The following RPF1 variants were observed in gnomAD, a reference collection of about 807,000 sequenced individuals.
The protein encoded by RPF1 is ribosome production factor 1 homolog.
A neutral mutation model predicts 41.9 loss-of-function variants in RPF1; 34 were observed. The observed-to-expected ratio is 0.81, with a 90% CI of 0.62 to 1.08. The LOEUF (loss-of-function observed/expected upper bound fraction) is 1.08. Ranked by LOEUF, RPF1 falls within the 50% of genes least tolerant of loss-of-function variation. The pLI, the probability that RPF1 is intolerant of heterozygous loss-of-function variation, is 0.00. For synonymous variants in RPF1, 140 were observed against 148.9 expected (o/e 0.94, Z 0.43); for missense variants, 425 against 435.2 (o/e 0.98, Z 0.21).
At chr1:84,493,005 C>T (rs2101886810) in intron 5 of RPF1, among the ~76,000 whole-genome samples, 1 of 152,238 alleles carries the variant, frequency 6.6e-6, no homozygotes, top group South Asian at 2.1e-4. Context: ...CATGATGACT[C>T]CTGTTTTATG....
In RPF1 at chr1:84,480,997, G is replaced by A. The variant is rs1681637060; in HGVS notation, c.270G>A (p.Glu90=). ...AGAAAAAACTTAAAAAAGAAAGAGA[G>A]GCTCTTGGCGATAAGGTAAATAAAA... ...AAKKKLKKER[E]ALGDKAPPKP... is the part of the protein sequence containing the mutation. Residue 90 remains glutamate (E), a synonymous_variant, in exon 2 of 9, where the codon GAG becomes GAA. Coordinates refer to ENST00000370654, the MANE Select transcript of RPF1 (RefSeq NM_025065.7). 4 of 1,591,704 alleles carry A rather than the reference G, an allele frequency of 2.5e-6. No homozygotes were observed. The highest frequency in any genetic ancestry group is 4.5e-5 in the East Asian group (2 of 44,546).
chr1:84,486,044 T>G (rs1262478934), intron 3 of RPF1, among the ~76,000 whole-genome samples: 1 of 152,170 alleles, frequency 6.6e-6, no homozygotes, highest in African/African-American at 2.4e-5. Context: ...TTAGCCATCT[T>G]TGGGCAAAAA....
intron 3 of RPF1, chr1:84,483,296 T>A (rs747457702): frequency 9.9e-6 from 3 of 301,774 alleles, no homozygotes; most frequent in Non-Finnish European, 1.9e-5. Context: ...AGACAGAGTC[T>A]TGCTCTGTCG....
chr1:84,496,793 T>C (rs1681945632), intron 8 of RPF1, among the ~76,000 whole-genome samples: 8 of 152,200 alleles, frequency 5.3e-5, no homozygotes, highest in Admixed American at 5.2e-4. Context: ...TACTACATGT[T>C]TCTTGAGAAC....
rs1342592926 is a variant in RPF1, at chr1:84,496,251, T to C, written c.889T>C (p.Phe297Leu). Residue 297 changes from phenylalanine to leucine, a missense_variant, in exon 8 of 9, where the codon TTC becomes CTC. Coordinates refer to ENST00000370654, the MANE Select transcript of RPF1 (RefSeq NM_025065.7). ...CTCTTTTTGTCTTTGAAGATACATA[T>C]TCAGGAGTGAAAAGAAAGTGGGAAT... ...YIFFRFHRYI[F>L]RSEKKVGIQE... is the part of the protein sequence containing the mutation. 2 of 1,613,174 alleles carry C rather than the reference T, an allele frequency of 1.2e-6. No homozygotes were observed. Among genetic ancestry groups the C allele is most frequent in the South Asian group, 1.1e-5 (1 of 90,966 alleles).
At chr1:84,485,115 T>A (rs779220926) in intron 3 of RPF1, among the ~76,000 whole-genome samples, 1 of 151,996 alleles carries the variant, frequency 6.6e-6, no homozygotes, top group Non-Finnish European at 1.5e-5. Context: ...GTAACTTTTT[T>A]ATTTTTGGAG....
intron 5 of RPF1, among the ~76,000 whole-genome samples, chr1:84,492,713 G>A (rs1558544772): frequency 6.6e-6 from 1 of 152,124 alleles, no homozygotes; most frequent in Non-Finnish European, 1.5e-5. Flanking sequence ...TCTAAATGGG[G>A]AACTACTGTT....
intron 3 of RPF1, among the ~76,000 whole-genome samples, chr1:84,485,141 G>A (rs964992252): frequency 3.9e-5 from 6 of 152,250 alleles, no homozygotes; most frequent in African/African-American, 1.4e-4. Flanking sequence ...GTCTCGCTCT[G>A]TTGCCCAGGC....
intron 3 of RPF1, among the ~76,000 whole-genome samples, chr1:84,484,861 A>G (rs565715304): frequency 1.3e-5 from 2 of 152,048 alleles, no homozygotes; most frequent in East Asian, 3.9e-4. Flanking sequence ...TTTAGTAGAG[A>G]CAGGGTTTCA....
Position 84,479,470 on chromosome 1 carries a change from A to T in RPF1, c.189A>T (p.Arg63=), listed in dbSNP as rs746522688. The T allele has an allele frequency of 1.2e-6, 2 of 1,614,232 alleles. No individual in the cohort carries two copies. The highest frequency in any genetic ancestry group is 1.7e-6 in the Non-Finnish European group (2 of 1,180,032). Residue 63 remains arginine, a synonymous_variant, in exon 1 of 9, where the codon CGA becomes CGT. Coordinates refer to ENST00000370654, the MANE Select transcript of RPF1 (RefSeq NM_025065.7). Reference sequence around the variant, plus strand: ...CGGAGATTAAAAACAAACAGCGGCGACACTTAATGTTCACGCGGTGGAAAC... The same window carrying T: ...CGGAGATTAAAAACAAACAGCGGCGTCACTTAATGTTCACGCGGTGGAAAC... ...SISEIKNKQR[R]HLMFTRWKQQ...
intron 2 of RPF1, 56 bp downstream of exon 2, chr1:84,481,068 A>G: frequency 2.2e-6 from 2 of 902,140 alleles, no homozygotes; most frequent in South Asian, 3.1e-5. Flanking sequence ...ATCCCTCCTG[A>G]TATTTAAGTT....
intron 3 of RPF1, among the ~76,000 whole-genome samples, chr1:84,483,794 G>C (rs528889558): frequency 6.6e-6 from 1 of 152,148 alleles, no homozygotes; most frequent in African/African-American, 2.4e-5. Flanking sequence ...ATTTGGTTTC[G>C]AATGTCTGTT....
chr1:84,482,016 C>T (rs1030306300), intron 2 of RPF1, among the ~76,000 whole-genome samples: 60 of 152,230 alleles, frequency 3.9e-4, no homozygotes, highest in African/African-American at 1.4e-3. Flanking sequence ...CTTTTGTAAT[C>T]AGTCTATTAC....
intron 8 of RPF1, among the ~76,000 whole-genome samples, chr1:84,496,900 T>G (rs1216977361): frequency 2.0e-5 from 3 of 152,116 alleles, no homozygotes; most frequent in Admixed American, 1.3e-4. Context: ...GAGATGAGTC[T>G]CAGCTTTGTT....
chr1:84,485,627 A>T (rs1246909981), intron 3 of RPF1, among the ~76,000 whole-genome samples: 1 of 152,194 alleles, frequency 6.6e-6, no homozygotes, highest in Non-Finnish European at 1.5e-5. Flanking sequence ...AGTACTTCTT[A>T]CCAAGAGTCA....
intron 5 of RPF1, among the ~76,000 whole-genome samples, chr1:84,490,927 A>G (rs958760262): frequency 2.0e-5 from 3 of 152,168 alleles, no homozygotes; most frequent in African/African-American, 7.2e-5. Flanking sequence ...TAAGGCAGAG[A>G]AAAGCGCTCA....
chr1:84,486,587 C>CAA (rs896267195), intron 3 of RPF1, among the ~76,000 whole-genome samples: 17,725 of 63,856 alleles, frequency 0.28, 2,196 homozygotes, highest in South Asian at 0.36. Context: ...GACTCCGTCT[C>CAA]AAAAAAAAAA....
At chr1:84,492,820 G>C (rs563432626) in intron 5 of RPF1, among the ~76,000 whole-genome samples, 21 of 152,320 alleles carry the variant, frequency 1.4e-4, no homozygotes, top group African/African-American at 5.1e-4. Context: ...TAACACCTCA[G>C]TCATACTGAC....
rs752294077 is a variant in RPF1 at position 84,479,446 on chromosome 1, G to A, written c.165G>A (p.Ser55=). The A allele has an allele frequency of 3.7e-6, 6 of 1,614,116 alleles. No individual in the cohort carries two copies. In the South Asian group the frequency reaches 6.6e-5, roughly 18 times the overall value. The change falls in exon 1 of 9, where the codon TCG becomes TCA. Residue 55 remains serine (S), a synonymous_variant. Coordinates refer to ENST00000370654, the MANE Select transcript of RPF1 (RefSeq NM_025065.7). ...CCTTTCCGCCAGGCTTTAGCATTTC[G>A]GAGATTAAAAACAAACAGCGGCGAC... ...AAAFPPGFSI[S]EIKNKQRRHL...
Sources: allele counts gnomAD v4.1 joint callset (sites outside exome capture counted in the v4.1 genomes callset), GRCh38; gene constraint gnomAD v4.1.1; transcripts MANE v1.5; gene names NCBI Gene and HGNC (gene_info 2026-07-23, HGNC 2026-07-21).